GPBP1L1: variants seen among roughly 807,000 people sequenced by gnomAD.
GPBP1L1 encodes the protein GC-rich promoter binding protein 1 like 1.
Under a neutral mutation model 52.5 loss-of-function variants are expected in GPBP1L1, and 23 were observed. The ratio of observed to expected loss-of-function variants is 0.44; its 90% confidence interval spans 0.32 to 0.62. The LOEUF (loss-of-function observed/expected upper bound fraction) is 0.62, where lower values mean the gene tolerates loss of function less well. Ranked by LOEUF, GPBP1L1 falls within the 20% of genes least tolerant of loss-of-function variation. The pLI is 0.06. For synonymous variants in GPBP1L1, 243 were observed against 203.1 expected, an observed-to-expected ratio of 1.20 and a Z score of -1.67; for missense variants, 596 against 579.3, an observed-to-expected ratio of 1.03 and a Z score of -0.30.
chr1:45,668,356 TAAAAAC>T (rs1365780254), intron 2 of GPBP1L1, among the ~76,000 whole-genome samples: 2 of 152,138 alleles, frequency 1.3e-5, no homozygotes, highest in Admixed American at 6.5e-5. Flanking sequence ...ATTGCACACT[TAAAAAC>T]AGAACACCTA....
chr1:45,662,128 C>A (rs1372936483), intron 2 of GPBP1L1, among the ~76,000 whole-genome samples: 3 of 152,136 alleles, frequency 2.0e-5, no homozygotes, highest in South Asian at 4.1e-4. Flanking sequence ...TCTCAACATT[C>A]TTTCAGGGGA....
chr1:45,633,398 T>C (rs1644554771), intron 10 of GPBP1L1, 91 bp downstream of exon 10: 4 of 1,347,112 alleles, frequency 3.0e-6, no homozygotes, highest in South Asian at 2.6e-5. Context: ...TTTAAAAATC[T>C]TGCCACATCT....
At chr1:45,685,130 T>C (rs1480319340) in intron 2 of GPBP1L1, among the ~76,000 whole-genome samples, 2 of 151,994 alleles carry the variant, frequency 1.3e-5, no homozygotes, top group Non-Finnish European at 2.9e-5. Flanking sequence ...AGGTACTCCA[T>C]ACCTAAAGTA....
At chr1:45,645,773 T>TG (rs991295171) in intron 6 of GPBP1L1, 2 of 352,744 alleles carry the variant, frequency 5.7e-6, no homozygotes, top group African/African-American at 2.2e-5. Context: ...TTTTTGTTTT[T>TG]TTTTTTTTTG....
rs58188753 is a variant in GPBP1L1, at chr1:45,680,235, CTTT to C, written c.-1098+5338_-1098+5340del. Among the ~76,000 whole-genome samples, 36 of 130,134 alleles carry C rather than the reference CTTT, an allele frequency of 2.8e-4. No individual in the cohort carries two copies. The East Asian group carries it at 5.0e-3, about 18-fold the overall frequency. The allele number at this position is 130,134 out of a possible 152,430, so 85.4% of individuals were successfully genotyped here. On this transcript the variant is annotated intron_variant, in intron 2 of 12. Transcript: ENST00000355105. ...GTAGTGACTAACAGATTGAGACACG[CTTT>C]TTTTTTTTTTTTTTTCTTGAGACAG...
At chr1:45,629,457 C>G (rs1177159975) in intron 12 of GPBP1L1, 119 bp downstream of exon 12, 7 of 93,984 alleles carry the variant, frequency 7.4e-5, no homozygotes, top group South Asian at 5.8e-4. Context: ...AAGGTAATCC[C>G]CCCCCCCCCC....
intron 6 of GPBP1L1, among the ~76,000 whole-genome samples, chr1:45,647,949 CTTTT>C (rs1001087630): frequency 6.6e-6 from 1 of 150,852 alleles, no homozygotes; most frequent in Non-Finnish European, 1.5e-5. Context: ...ATGTTTTTTT[CTTTT>C]TTTTTGAGAC....
intron 6 of GPBP1L1, among the ~76,000 whole-genome samples, chr1:45,642,987 G>A (rs1007589051): frequency 2.6e-5 from 4 of 152,062 alleles, no homozygotes; most frequent in Non-Finnish European, 5.9e-5. Context: ...GTCTTCACAC[G>A]GGTCACAGTT....
chr1:45,686,815 C>T (rs1645295294), upstream of GPBP1L1, among the ~76,000 whole-genome samples: 1 of 152,372 alleles, frequency 6.6e-6, no homozygotes, highest in Non-Finnish European at 1.5e-5. Context: ...AATCCTCTGC[C>T]TTTCCTCGTG....
At chr1:45,649,417 T>A (rs548472847) in intron 6 of GPBP1L1, among the ~76,000 whole-genome samples, 1 of 152,048 alleles carries the variant, frequency 6.6e-6, no homozygotes, top group Non-Finnish European at 1.5e-5. Context: ...TTACATGTTG[T>A]TTTTAGTTGT....
At chr1:45,651,108 A>T (rs1224152985) in intron 6 of GPBP1L1, 4 of 505,054 alleles carry the variant, frequency 7.9e-6, no homozygotes, top group Non-Finnish European at 1.6e-5. Context: ...GACCCAGGAC[A>T]TTGCCTCCCC....
rs1644469748 is a variant in GPBP1L1, at chr1:45,627,488, TC to T, written c.*767del. 6.6e-6 allele frequency: 1 copy of T among 152,592 alleles called. No individual in the cohort carries two copies. Among genetic ancestry groups the T allele is most frequent in the African/African-American group, 2.4e-5 (1 of 41,438 alleles). 9.5% of individuals were successfully genotyped at this position (152,592 alleles called of 1,614,324 possible). Reference sequence around the variant, plus strand: ...AAAATATACTTCTTACACAAGACAATCCAAACTGATGCAAAATATTTATTCC... The same window carrying T: ...AAAATATACTTCTTACACAAGACAATCAAACTGATGCAAAATATTTATTCC... On this transcript the variant is annotated 3_prime_UTR_variant, in exon 13 of 13. Transcript: ENST00000355105.
intron 2 of GPBP1L1, among the ~76,000 whole-genome samples, chr1:45,662,684 C>A (rs3013597): frequency 0.53 from 80,632 of 151,896 alleles, 21,524 homozygotes; most frequent in Middle Eastern, 0.59. Flanking sequence ...TCTGTAATGC[C>A]TTATTTCTCA....
In GPBP1L1 at chr1:45,628,268, A is replaced by G; in HGVS notation, c.1413T>C (p.Asp471=). Residue 471 remains aspartate (D), a synonymous_variant, in exon 13 of 13, where the codon GAT becomes GAC. Transcript: ENST00000355105. ...ETSSSETSDD[D]AWK ...AGCATTTATATGCCTACTTCCAGGC[A>G]TCGTCATCTGATGTTTCACTGCTAC... 6.2e-7 allele frequency: 1 copy of G among 1,614,060 alleles called. No homozygotes were observed. Among genetic ancestry groups the G allele is most frequent in the Admixed American group, 1.7e-5 (1 of 60,032 alleles).
intron 12 of GPBP1L1, 28 bp downstream of exon 12, chr1:45,629,548 G>C (rs776199346): frequency 7.5e-7 from 1 of 1,328,496 alleles, no homozygotes; most frequent in East Asian, 2.6e-5. Context: ...TTACTAACTG[G>C]TCTCTAGGAA....
chr1:45,660,385 G>A lies in GPBP1L1; in HGVS notation c.-257C>T, dbSNP rs1440806899. On this transcript the variant is annotated 5_prime_UTR_variant, in exon 3 of 13. The change creates a new upstream start codon in the 5' untranslated region. Transcript: ENST00000355105. ...TCTTAAACTATTTGGTTCCTGACAC[G>A]TTTCCAAAAGGGGAAAGGGGAAAAG... 10 of 983,138 alleles carry A rather than the reference G, an allele frequency of 1.0e-5. No individual in the cohort carries two copies. In the South Asian group the frequency reaches 2.4e-4, roughly 23 times the overall value. The allele number at this position is 983,138 out of a possible 1,614,324, so 60.9% of individuals were successfully genotyped here.
chr1:45,680,962 C>A (rs1465209510), intron 2 of GPBP1L1, among the ~76,000 whole-genome samples: 2 of 151,872 alleles, frequency 1.3e-5, no homozygotes, highest in Admixed American at 1.3e-4. Context: ...GACAACTATT[C>A]ATTAGTAACC....
At chr1:45,679,122 C>T (rs1374193871) in intron 2 of GPBP1L1, among the ~76,000 whole-genome samples, 1 of 152,132 alleles carries the variant, frequency 6.6e-6, no homozygotes, top group African/African-American at 2.4e-5. Context: ...GGCCTTACCC[C>T]AGATAAATTT....
intron 6 of GPBP1L1, chr1:45,651,558 T>C (rs1644819664): frequency 1.7e-6 from 1 of 589,060 alleles, no homozygotes; most frequent in African/African-American, 1.9e-5. Context: ...TGAGTAGCTG[T>C]TTGGCAGCGC....
Sources: gnomAD v4.1 joint callset for allele counts (sites outside exome capture counted in the v4.1 genomes callset) on GRCh38, gnomAD v4.1.1 for gene constraint, MANE v1.5 for transcripts, NCBI Gene and HGNC (gene_info 2026-07-23, HGNC 2026-07-21) for gene names.